The following USP43 variants were observed in gnomAD, a reference collection of about 807,000 sequenced individuals.
USP43 encodes the protein ubiquitin specific peptidase 43.
Under a neutral mutation model 90.7 loss-of-function variants are expected in USP43, and 33 were observed. The observed-to-expected ratio is 0.36, with a 90% CI of 0.28 to 0.49. The LOEUF is 0.49. Ranked by LOEUF, USP43 falls within the 20% of genes least tolerant of loss-of-function variation. The pLI, the probability that USP43 is intolerant of heterozygous loss-of-function variation, is 0.98. For missense variants in USP43, 1,274 were observed against 1,476.4 expected, an observed-to-expected ratio of 0.86 and a Z score of 2.25; for synonymous variants, 598 against 615.8, an observed-to-expected ratio of 0.97 and a Z score of 0.43.
chr17:9,672,567 C>T (rs1030978398), intron 3 of USP43, among the ~76,000 whole-genome samples: 2 of 152,122 alleles, frequency 1.3e-5, no homozygotes, highest in Non-Finnish European at 2.9e-5. Flanking sequence ...CCAAGTATAT[C>T]CTTCAGGCCA....
rs138586368 is a variant in USP43 at position 9,716,964 on chromosome 17, C to T, written c.2335+4832C>T. ...CAGCCTGACCAACATGGTGAAACCC[C>T]GTCTCTACTAAAAATACAAAAATTA... is the stretch of plus-strand genomic sequence containing the variant. On this transcript the variant is annotated intron_variant, in intron 14 of 14. Transcript: ENST00000285199. 2.9e-3 allele frequency among the ~76,000 whole-genome samples: 438 copies of T among 152,026 alleles called. 1 individual carries two copies. Among genetic ancestry groups the T allele is most frequent in the African/African-American group, 1.0e-2 (414 of 41,492 alleles).
At position 9,693,141 on chromosome 17, in the gene USP43, G is replaced by A; in HGVS notation, c.1368G>A (p.Leu456=). The change falls in exon 9 of 15, where the codon CTG becomes CTA. Residue 456 remains leucine (L), a synonymous_variant. Transcript: ENST00000285199. Reference sequence around the variant, plus strand: ...TGTCTTCGCAGAACCTGGGGTCTCTGTTCTCCATCCGTGTTGTGGGACTCT... The same window carrying A: ...TGTCTTCGCAGAACCTGGGGTCTCTATTCTCCATCCGTGTTGTGGGACTCT... ...SEAPVQNLGS[L]FSIRVVGLSV... The A allele has an allele frequency of 9.3e-6, 15 of 1,613,620 alleles. No homozygotes were observed. The highest frequency in any genetic ancestry group is 1.3e-5 in the Non-Finnish European group (15 of 1,179,792).
intron 6 of USP43, 133 bp from the exon 7 acceptor site, chr17:9,682,689 TA>T: frequency 8.6e-7 from 1 of 1,159,668 alleles, no homozygotes. Flanking sequence ...TCTCCTCCCC[TA>T]AAGCCCTCTA....
chr17:9,727,385 CTATTCT>C (rs1917328425), intron 14 of USP43, among the ~76,000 whole-genome samples: 1 of 152,144 alleles, frequency 6.6e-6, no homozygotes, highest in Non-Finnish European at 1.5e-5. Flanking sequence ...ATCTATTTCT[CTATTCT>C]TATTTGTATG....
intron 14 of USP43, among the ~76,000 whole-genome samples, chr17:9,723,575 T>C (rs1339673879): frequency 1.8e-4 from 21 of 113,786 alleles, no homozygotes; most frequent in Admixed American, 1.2e-3. Context: ...CCCTCCCTTT[T>C]TTTTCTTTTC....
At chr17:9,700,483 A>G (rs937725818) in intron 10 of USP43, among the ~76,000 whole-genome samples, 1 of 152,134 alleles carries the variant, frequency 6.6e-6, no homozygotes, top group African/African-American at 2.4e-5. Context: ...AGAAGTAGTA[A>G]CTGCAGTCAT....
At chr17:9,647,878 G>A (rs546386891) in intron 1 of USP43, among the ~76,000 whole-genome samples, 2 of 147,102 alleles carry the variant, frequency 1.4e-5, no homozygotes, top group African/African-American at 2.7e-5. Flanking sequence ...AAAATTAGCC[G>A]GACGTGGTGG....
At position 9,728,156 on chromosome 17, in the gene USP43, C is replaced by G; in HGVS notation, c.2538C>G (p.Ser846Arg). The change falls in exon 15 of 15, where the codon AGC becomes AGG. Residue 846 changes from serine to arginine, a missense_variant. This residue lies in a region of USP43 where 285 missense variants were observed against 349.6 expected (regional missense o/e 0.82). Coordinates refer to ENST00000285199, the MANE Select transcript of USP43 (RefSeq NM_153210.5). This position sits in a 1 kb window ranked among gnomAD's most constrained non-coding sequence, Gnocchi z 6.2. ...CCAGACGAAGACCTCGGTCCACGAG[C>G]CAGTCCATTGTGTCGCTGTTGACGG... is the stretch of plus-strand genomic sequence containing the variant. ...LESRRRPRST[S>R]QSIVSLLTGT... is the part of the protein sequence containing the mutation. The G allele has an allele frequency of 6.2e-7, 1 of 1,613,950 alleles. No homozygotes were observed. Among genetic ancestry groups the G allele is most frequent in the Non-Finnish European group, 8.5e-7 (1 of 1,179,894 alleles).
At chr17:9,685,717 C>T (rs1914560967) in intron 7 of USP43, among the ~76,000 whole-genome samples, 1 of 152,094 alleles carries the variant, frequency 6.6e-6, no homozygotes, top group Non-Finnish European at 1.5e-5. Context: ...TTATGGGGTA[C>T]GGAGTGATAT....
chr17:9,651,286 A>G (rs1380048582), intron 1 of USP43, among the ~76,000 whole-genome samples: 1 of 151,648 alleles, frequency 6.6e-6, no homozygotes, highest in East Asian at 1.9e-4. Flanking sequence ...CTGCCTCCCG[A>G]GTTCAAGCAA....
chr17:9,651,336 C>T (rs999501191), intron 1 of USP43, among the ~76,000 whole-genome samples: 12 of 152,010 alleles, frequency 7.9e-5, no homozygotes, highest in Non-Finnish European at 1.5e-4. Flanking sequence ...GGACTACAGG[C>T]GCGCGCCACC....
chr17:9,725,749 A>G (rs1597902365), intron 14 of USP43, among the ~76,000 whole-genome samples: 1 of 152,288 alleles, frequency 6.6e-6, no homozygotes, highest in East Asian at 1.9e-4. Context: ...AGAAAGGAAG[A>G]ACTGCTATTT....
At chr17:9,683,493 CA>C (rs576449009) in intron 7 of USP43, among the ~76,000 whole-genome samples, 66 of 151,942 alleles carry the variant, frequency 4.3e-4, no homozygotes, top group Middle Eastern at 3.4e-3. Context: ...CTGGTAAAAA[CA>C]AAAAGATTAT....
At chr17:9,675,033 C>A in intron 4 of USP43, 50 bp downstream of exon 4, 1 of 1,525,274 alleles carries the variant, frequency 6.6e-7, no homozygotes, top group Non-Finnish European at 9.1e-7. Flanking sequence ...CATCCTTACT[C>A]ATTACGGGGA....
At chr17:9,707,695 CA>C (rs1327898401) in intron 12 of USP43, among the ~76,000 whole-genome samples, 5 of 144,916 alleles carry the variant, frequency 3.5e-5, no homozygotes, top group African/African-American at 1.0e-4. Context: ...ATTTATTAAA[CA>C]TTTTTTTTTA....
intron 8 of USP43, among the ~76,000 whole-genome samples, chr17:9,692,156 C>T (rs2017041514): frequency 6.6e-6 from 1 of 151,890 alleles, no homozygotes; most frequent in Admixed American, 6.6e-5. Flanking sequence ...GTCAGGAGTT[C>T]AAGAGCAGCC....
chr17:9,691,944 G>A (rs1367364668), intron 8 of USP43, among the ~76,000 whole-genome samples: 16 of 152,068 alleles, frequency 1.1e-4, no homozygotes, highest in East Asian at 3.9e-4. Flanking sequence ...TCAGGAGGCC[G>A]AGGCAGAGAA....
chr17:9,683,467 T>C (rs1914421183), intron 7 of USP43, among the ~76,000 whole-genome samples: 3 of 152,186 alleles, frequency 2.0e-5, no homozygotes, highest in African/African-American at 7.2e-5. Context: ...TCTAAAAATG[T>C]ATCTTGAATA....
At chr17:9,704,715 G>T (rs375656623) in intron 12 of USP43, among the ~76,000 whole-genome samples, 18 of 152,160 alleles carry the variant, frequency 1.2e-4, no homozygotes, top group African/African-American at 4.1e-4. Flanking sequence ...CCGAGCCTCT[G>T]GGGCTGTAGC....
Sources: allele counts gnomAD v4.1 joint callset (sites outside exome capture counted in the v4.1 genomes callset), GRCh38; gene constraint gnomAD v4.1.1; regional missense constraint gnomAD v4.1.1; non-coding constraint Gnocchi (gnomAD v3.1); transcripts MANE v1.5; gene names NCBI Gene and HGNC (gene_info 2026-07-23, HGNC 2026-07-21).